PRKN: variants seen among roughly 807,000 people sequenced by gnomAD.
PRKN encodes parkin RBR E3 ubiquitin protein ligase, also known as E3 ubiquitin-protein ligase parkin.
In PRKN, 56 loss-of-function variants were observed where a neutral mutation model predicts 59.5. The observed-to-expected ratio is 0.94, with a 90% CI of 0.76 to 1.18. PRKN has a LOEUF of 1.18. PRKN is among the 50% of genes most tolerant of loss of function. The pLI, the probability that PRKN is intolerant of heterozygous loss-of-function variation, is 0.00. For missense variants in PRKN, 657 were observed against 596.4 expected (o/e 1.10, Z -1.06); for synonymous variants, 250 against 222.1 (o/e 1.13, Z -1.12).
At chr6:161,479,766 G>A (rs1791297205) in intron 9 of PRKN, among the ~76,000 whole-genome samples, 1 of 152,170 alleles carries the variant, frequency 6.6e-6, no homozygotes, top group South Asian at 2.1e-4. Context: ...CCCTCTGAAG[G>A]GTGGCTTGCA....
chr6:161,781,804 AC>A (rs1790217187), intron 7 of PRKN, among the ~76,000 whole-genome samples: 1 of 152,252 alleles, frequency 6.6e-6, no homozygotes, highest in Non-Finnish European at 1.5e-5. Context: ...AGGATCCTAA[AC>A]ACATGAAAAG....
chr6:162,480,610 C>T (rs1009352635), intron 1 of PRKN, among the ~76,000 whole-genome samples: 47 of 151,894 alleles, frequency 3.1e-4, no homozygotes, highest in Non-Finnish European at 5.9e-4. Context: ...GACCAGCGGA[C>T]GGGGACTGCT....
At chr6:162,178,756 T>A (rs1783651344) in intron 4 of PRKN, among the ~76,000 whole-genome samples, 1 of 152,162 alleles carries the variant, frequency 6.6e-6, no homozygotes, top group South Asian at 2.1e-4. Context: ...GTTTTGTTTG[T>A]GTTTATTTCT....
chr6:162,377,566 C>A (rs1786184829), intron 2 of PRKN, among the ~76,000 whole-genome samples: 1 of 152,202 alleles, frequency 6.6e-6, no homozygotes, highest in South Asian at 2.1e-4. Flanking sequence ...TTCGATTCAT[C>A]ACACTGGATG....
intron 2 of PRKN, among the ~76,000 whole-genome samples, chr6:162,263,964 G>C (rs1780012336): frequency 6.8e-6 from 1 of 147,666 alleles, no homozygotes; most frequent in Non-Finnish European, 1.5e-5. Flanking sequence ...GACACAGCAA[G>C]GACCTTACTC....
At chr6:162,570,068 A>C (rs1780254676) in intron 1 of PRKN, among the ~76,000 whole-genome samples, 2 of 152,250 alleles carry the variant, frequency 1.3e-5, no homozygotes, top group African/African-American at 4.8e-5. Flanking sequence ...GGGATTAATA[A>C]TCAGAATATA....
chr6:162,099,244 C>A (rs1326840398), intron 4 of PRKN, among the ~76,000 whole-genome samples: 2 of 152,164 alleles, frequency 1.3e-5, no homozygotes, highest in Admixed American at 1.3e-4. Context: ...TCTGTGAAGA[C>A]CTGGTGACCT....
chr6:161,874,759 AT>A (rs1794617463), intron 6 of PRKN, among the ~76,000 whole-genome samples: 1 of 121,956 alleles, frequency 8.2e-6, no homozygotes, highest in African/African-American at 3.4e-5. Context: ...TATAATATAT[AT>A]AAAATATATA....
chr6:162,351,669 C>A (rs1784632828), intron 2 of PRKN, among the ~76,000 whole-genome samples: 1 of 152,030 alleles, frequency 6.6e-6, no homozygotes, highest in African/African-American at 2.4e-5. Context: ...AATGTCAGAA[C>A]AGATAAACAA....
chr6:162,507,747 G>A (rs1442140507), intron 1 of PRKN, among the ~76,000 whole-genome samples: 3 of 152,076 alleles, frequency 2.0e-5, no homozygotes, highest in Admixed American at 2.0e-4. Context: ...CTCCCCTGTT[G>A]GAGTGTGAGC....
chr6:162,320,409 C>CA (rs1242898622), intron 2 of PRKN, among the ~76,000 whole-genome samples: 111 of 17,574 alleles, frequency 6.3e-3, no homozygotes, highest in Middle Eastern at 0.056. Context: ...ATCAAACAAG[C>CA]AAAAAAAACC....
chr6:161,491,659 C>A (rs1310033277), intron 9 of PRKN, among the ~76,000 whole-genome samples: 1 of 150,522 alleles, frequency 6.6e-6, no homozygotes. Flanking sequence ...GAGATGAAGT[C>A]TTTCTCTGTC....
At chr6:162,567,613 T>C (rs1583820898) in intron 1 of PRKN, among the ~76,000 whole-genome samples, 1 of 92,994 alleles carries the variant, frequency 1.1e-5, no homozygotes, top group South Asian at 3.3e-4. Context: ...ATGAAATAAA[T>C]CAAAGAGAAT....
chr6:161,932,239 T>A (rs1356902062), intron 6 of PRKN, among the ~76,000 whole-genome samples: 3 of 152,252 alleles, frequency 2.0e-5, no homozygotes, highest in South Asian at 2.1e-4. Flanking sequence ...AAAGCAAACA[T>A]ACATATTGTT....
intron 7 of PRKN, among the ~76,000 whole-genome samples, chr6:161,635,633 C>T (rs760192075): frequency 6.6e-6 from 1 of 152,140 alleles, no homozygotes; most frequent in Non-Finnish European, 1.5e-5. Context: ...GCAAAGCTAT[C>T]TTCATTGGGT....
In PRKN at chr6:161,561,711, T is replaced by C. The variant is rs1780461206; in HGVS notation, c.933+7644A>G. Among the ~76,000 whole-genome samples, 1 of 152,092 alleles carries C rather than the reference T, an allele frequency of 6.6e-6. No individual in the cohort carries two copies. Among genetic ancestry groups the C allele is most frequent in the Non-Finnish European group, 1.5e-5 (1 of 68,018 alleles). On this transcript the variant is annotated intron_variant, in intron 8 of 11. Transcript: ENST00000366898. The surrounding 1 kb of genome is among the most constrained non-coding windows in gnomAD (Gnocchi z 5.0). ...TTCCCTTCTTCAGTTCTTGGATCTC[T>C]CTCTCAAATTACCGGTAATTCATCT...
chr6:161,993,051 G>A (rs1781712859), intron 5 of PRKN, among the ~76,000 whole-genome samples: 1 of 151,780 alleles, frequency 6.6e-6, no homozygotes, highest in South Asian at 2.1e-4. Flanking sequence ...TAAAGAACTA[G>A]AAAAGAAAGG....
chr6:162,104,742 A>G (rs1359563926), intron 4 of PRKN, among the ~76,000 whole-genome samples: 1 of 152,188 alleles, frequency 6.6e-6, no homozygotes, highest in Non-Finnish European at 1.5e-5. Context: ...GGGGATCAAA[A>G]AGATAAAGTC....
chr6:162,410,823 C>T (rs570414792), intron 2 of PRKN, among the ~76,000 whole-genome samples: 58 of 152,266 alleles, frequency 3.8e-4, no homozygotes, highest in African/African-American at 1.3e-3. Flanking sequence ...TTCAAGGAAG[C>T]CTCTCCTCTG....
Sources: gnomAD v4.1 joint callset for allele counts (sites outside exome capture counted in the v4.1 genomes callset) on GRCh38, gnomAD v4.1.1 for gene constraint, Gnocchi (gnomAD v3.1) non-coding constraint, MANE v1.5 for transcripts, NCBI Gene and HGNC (gene_info 2026-07-23, HGNC 2026-07-21) for gene names.